MOB4: variants seen among roughly 807,000 people sequenced by gnomAD.
MOB4 encodes the protein MOB family member 4, phocein.
Under a neutral mutation model 32.2 loss-of-function variants are expected in MOB4, and 4 were observed. The observed-to-expected ratio is 0.12, with a 90% CI of 0.06 to 0.28. MOB4 has a LOEUF of 0.28. Ranked by LOEUF, MOB4 falls within the 10% of genes least tolerant of loss-of-function variation. MOB4 has a pLI of 1.00. For synonymous variants in MOB4, 88 were observed against 88.1 expected (o/e 1.00, Z 0.01); for missense variants, 158 against 271.2 (o/e 0.58, Z 2.93).
chr2:197,540,301 G>T, intron 4 of MOB4, 50 bp from the exon 5 acceptor site: 2 of 1,469,166 alleles, frequency 1.4e-6, no homozygotes, highest in African/African-American at 1.4e-5. Flanking sequence ...TAAATGATAA[G>T]CTTTTTCATT....
rs1483001210 is a variant in MOB4 at position 197,519,677 on chromosome 2, C to A, written c.60+3531C>A. ...ATAACATTTTCTGTATTTTTTTTCT[C>A]CCCTGAAATGAATATTTTCAATTCC... On this transcript the variant is annotated intron_variant, in intron 1 of 7. Coordinates refer to ENST00000323303, the MANE Select transcript of MOB4 (RefSeq NM_015387.5). 2.0e-5 allele frequency among the ~76,000 whole-genome samples: 3 copies of A among 151,994 alleles called. No homozygotes were observed. The East Asian group carries it at 5.8e-4, about 29-fold the overall frequency.
intron 1 of MOB4, among the ~76,000 whole-genome samples, chr2:197,520,250 T>C (rs1325919653): frequency 6.6e-6 from 1 of 151,376 alleles, no homozygotes; most frequent in Admixed American, 6.6e-5. Context: ...TGCTGCACTC[T>C]CGGCTCACTG....
intron 6 of MOB4, among the ~76,000 whole-genome samples, chr2:197,549,495 A>G (rs565257356): frequency 6.6e-6 from 1 of 152,190 alleles, no homozygotes; most frequent in Non-Finnish European, 1.5e-5. Flanking sequence ...TATTTTAAAA[A>G]AGGATATCAG....
At chr2:197,549,533 A>G (rs1316159255) in intron 6 of MOB4, among the ~76,000 whole-genome samples, 2 of 152,148 alleles carry the variant, frequency 1.3e-5, no homozygotes, top group African/African-American at 4.8e-5. Context: ...CAATTTTAAA[A>G]AAACAATTTT....
At chr2:197,532,635 G>T (rs958087595) in intron 2 of MOB4, among the ~76,000 whole-genome samples, 1 of 152,028 alleles carries the variant, frequency 6.6e-6, no homozygotes, top group African/African-American at 2.4e-5. Context: ...GCAGTGAGCC[G>T]AGATAGCGCC....
chr2:197,524,588 T>TA (rs1163152600), intron 2 of MOB4, among the ~76,000 whole-genome samples: 1 of 150,994 alleles, frequency 6.6e-6, no homozygotes, highest in Non-Finnish European at 1.5e-5. Flanking sequence ...AAGGGGCTAA[T>TA]AAAAAGATAA....
intron 1 of MOB4, among the ~76,000 whole-genome samples, chr2:197,521,051 G>A (rs1052578460): frequency 6.6e-6 from 1 of 152,038 alleles, no homozygotes; most frequent in East Asian, 1.9e-4. Flanking sequence ...ATACAAGCAT[G>A]CAGTGTATAA....
intron 5 of MOB4, among the ~76,000 whole-genome samples, chr2:197,542,949 G>A (rs1317487394): frequency 2.0e-5 from 3 of 152,150 alleles, no homozygotes; most frequent in Non-Finnish European, 2.9e-5. Context: ...CCATGTAGCT[G>A]TGTAGCACTT....
At chr2:197,529,533 G>T (rs1339948240) in intron 2 of MOB4, among the ~76,000 whole-genome samples, 1 of 151,732 alleles carries the variant, frequency 6.6e-6, no homozygotes, top group Admixed American at 6.6e-5. Flanking sequence ...TCTATTTTTA[G>T]TAGAGACTGG....
intron 1 of MOB4, among the ~76,000 whole-genome samples, chr2:197,522,212 T>G (rs1341100399): frequency 6.6e-6 from 1 of 151,944 alleles, no homozygotes; most frequent in Non-Finnish European, 1.5e-5. Flanking sequence ...ATTCTTTTAG[T>G]TTTTTTTAAA....
In MOB4 at chr2:197,553,288, G is replaced by C. The variant is rs2087126506; in HGVS notation, c.*2642G>C. 1 of 152,208 alleles carries C rather than the reference G, an allele frequency of 6.6e-6. No homozygotes were observed. Among genetic ancestry groups the C allele is most frequent in the Non-Finnish European group, 1.5e-5 (1 of 68,128 alleles). 9.4% of individuals were successfully genotyped at this position (152,208 alleles called of 1,614,324 possible). A position where few individuals can be genotyped will look rare whatever the true frequency, so the allele number is the denominator to read the frequency against. ...GTCTCTACTAAAAATACAAAAATTA[G>C]CCGGGCGTGGTGCTACTCGTGAGGC... On this transcript the variant is annotated 3_prime_UTR_variant, in exon 8 of 8. Coordinates refer to ENST00000323303, the MANE Select transcript of MOB4 (RefSeq NM_015387.5).
At chr2:197,516,559 A>C (rs1175573198) in intron 1 of MOB4, 1 of 502,750 alleles carries the variant, frequency 2.0e-6, no homozygotes, top group South Asian at 1.5e-5. Flanking sequence ...GTGTAAACAC[A>C]GCCTACCTCG....
intron 1 of MOB4, among the ~76,000 whole-genome samples, chr2:197,518,877 T>A (rs968686406): frequency 2.6e-5 from 4 of 152,156 alleles, no homozygotes; most frequent in Non-Finnish European, 4.4e-5. Context: ...TGCCTCGGCC[T>A]CCCGAGTAGC....
chr2:197,548,253 A>G, intron 5 of MOB4, 83 bp from the exon 6 acceptor site: 1 of 1,174,654 alleles, frequency 8.5e-7, no homozygotes, highest in Non-Finnish European at 1.2e-6. Flanking sequence ...ATGTCTTTGG[A>G]ATAAGGTATA....
intron 1 of MOB4, among the ~76,000 whole-genome samples, chr2:197,522,229 A>G (rs1372778554): frequency 1.3e-5 from 2 of 151,524 alleles, no homozygotes; most frequent in East Asian, 1.9e-4. Context: ...TAAATGTACA[A>G]TTAAATTGGT....
intron 2 of MOB4, among the ~76,000 whole-genome samples, chr2:197,531,175 G>A (rs560182969): frequency 2.6e-5 from 4 of 151,600 alleles, no homozygotes; most frequent in African/African-American, 9.7e-5. Context: ...AGCCTGCCGA[G>A]TAGCTGGGAC....
chr2:197,518,036 T>G (rs1236352459), intron 1 of MOB4, among the ~76,000 whole-genome samples: 3 of 151,462 alleles, frequency 2.0e-5, no homozygotes, highest in Middle Eastern at 6.8e-3. Flanking sequence ...AGCCACTCGG[T>G]AGGCTGAGGC....
chr2:197,518,854 C>G (rs2086464240), intron 1 of MOB4, among the ~76,000 whole-genome samples: 1 of 152,136 alleles, frequency 6.6e-6, no homozygotes. Context: ...GTCCCGGGTT[C>G]ACGCTGTTCT....
rs1225964423 is a variant in MOB4 at position 197,550,691 on chromosome 2, G to A, written c.*45G>A. ...GTACTGATCATATAATTAACATTAT[G>A]TACTGTATATATCATTTTAGACACA... On this transcript the variant is annotated 3_prime_UTR_variant, in exon 8 of 8. Coordinates refer to ENST00000323303, the MANE Select transcript of MOB4 (RefSeq NM_015387.5). The A allele has an allele frequency of 2.6e-6, 4 of 1,539,334 alleles. No individual in the cohort carries two copies. The highest frequency in any genetic ancestry group is 2.3e-5 in the East Asian group (1 of 44,112).
Sources: gnomAD v4.1 joint callset for allele counts (sites outside exome capture counted in the v4.1 genomes callset) on GRCh38, gnomAD v4.1.1 for gene constraint, MANE v1.5 for transcripts, NCBI Gene and HGNC (gene_info 2026-07-23, HGNC 2026-07-21) for gene names.